PLCL2: variants seen among roughly 807,000 people sequenced by gnomAD.
PLCL2 encodes inactive phospholipase C-like protein 2.
PLCL2 carries 4 observed loss-of-function variants against 79.6 expected under a neutral mutation model. The ratio of observed to expected loss-of-function variants is 0.05; its 90% confidence interval spans 0.02 to 0.11. The LOEUF is 0.11. PLCL2 is among the 10% of genes least tolerant of loss of function. The probability of loss-of-function intolerance (pLI) is 1.00; values close to 1 mark genes in which losing one functional copy is unlikely to be tolerated. For missense variants in PLCL2, 895 were observed against 1,291.0 expected (o/e 0.69, Z 4.70); for synonymous variants, 484 against 457.7 (o/e 1.06, Z -0.73).
chr3:16,962,360 C>T (rs1429251692), intron 1 of PLCL2, among the ~76,000 whole-genome samples: 1 of 151,790 alleles, frequency 6.6e-6, no homozygotes, highest in East Asian at 1.9e-4. Flanking sequence ...TAGCCTGCCC[C>T]ACGACCCATC....
At chr3:17,053,818 C>T (rs1187868919) in intron 4 of PLCL2, among the ~76,000 whole-genome samples, 1 of 152,206 alleles carries the variant, frequency 6.6e-6, no homozygotes, top group Non-Finnish European at 1.5e-5. Context: ...TCCATGAAAC[C>T]ATTCTTCCTG....
chr3:16,953,065 T>C (rs748550182), intron 1 of PLCL2, among the ~76,000 whole-genome samples: 6 of 152,108 alleles, frequency 3.9e-5, no homozygotes, highest in Non-Finnish European at 8.8e-5. Flanking sequence ...TTGCATTATA[T>C]ATAAAAAAGG....
chr3:16,952,124 A>T (rs1414462632), intron 1 of PLCL2, among the ~76,000 whole-genome samples: 1 of 151,926 alleles, frequency 6.6e-6, no homozygotes, highest in Non-Finnish European at 1.5e-5. Context: ...GTGGGAGTTG[A>T]ACAATGAGAA....
At chr3:16,897,185 C>T (rs778571940) in intron 1 of PLCL2, among the ~76,000 whole-genome samples, 2 of 151,472 alleles carry the variant, frequency 1.3e-5, no homozygotes, top group African/African-American at 2.4e-5. Context: ...TATAAAATGT[C>T]AATGAAGGGG....
intron 3 of PLCL2, among the ~76,000 whole-genome samples, chr3:17,039,742 C>T (rs1559528406): frequency 6.6e-6 from 1 of 152,184 alleles, no homozygotes; most frequent in Non-Finnish European, 1.5e-5. Flanking sequence ...ATACAGTCTG[C>T]AAATGCCTCC....
intron 1 of PLCL2, among the ~76,000 whole-genome samples, chr3:16,894,842 T>C (rs1696437964): frequency 6.6e-6 from 1 of 152,144 alleles, no homozygotes; most frequent in Admixed American, 6.5e-5. Flanking sequence ...TTAATTTACA[T>C]TTTCTGAATA....
chr3:16,995,756 T>A (rs897464616), intron 1 of PLCL2, among the ~76,000 whole-genome samples: 8 of 152,250 alleles, frequency 5.3e-5, no homozygotes, highest in Non-Finnish European at 1.0e-4. Context: ...GACAACTCTA[T>A]GTGTAATGTG....
At chr3:16,956,490 C>T (rs965402317) in intron 1 of PLCL2, among the ~76,000 whole-genome samples, 2 of 152,054 alleles carry the variant, frequency 1.3e-5, no homozygotes, top group African/African-American at 4.8e-5. Context: ...CTAAAATTCT[C>T]TTTTTTTGTT....
At chr3:17,015,490 T>C (rs2064373828) in intron 3 of PLCL2, among the ~76,000 whole-genome samples, 1 of 152,224 alleles carries the variant, frequency 6.6e-6, no homozygotes, top group African/African-American at 2.4e-5. Context: ...ATTTTCTTAA[T>C]CACATCCTGC....
chr3:16,974,518 C>T (rs2063904558), intron 1 of PLCL2, among the ~76,000 whole-genome samples: 1 of 152,156 alleles, frequency 6.6e-6, no homozygotes, highest in Non-Finnish European at 1.5e-5. Context: ...CCACCAAAGA[C>T]CAGCTATGTC....
intron 4 of PLCL2, among the ~76,000 whole-genome samples, chr3:17,054,325 T>C (rs545029378): frequency 6.6e-6 from 1 of 152,180 alleles, no homozygotes; most frequent in Non-Finnish European, 1.5e-5. Flanking sequence ...ATTGTCCATG[T>C]CACTATCAGT....
intron 2 of PLCL2, among the ~76,000 whole-genome samples, chr3:17,013,649 G>T (rs1193737022): frequency 3.3e-5 from 5 of 152,226 alleles, no homozygotes; most frequent in African/African-American, 4.8e-5. Context: ...AAACTAAAGT[G>T]TTCATTCCCA....
chr3:17,031,218 G>A (rs747141334), intron 3 of PLCL2, among the ~76,000 whole-genome samples: 35 of 152,104 alleles, frequency 2.3e-4, no homozygotes, highest in Non-Finnish European at 2.2e-4. Flanking sequence ...AGGATGTAGC[G>A]TCTGAACTCA....
At chr3:16,961,287 T>G (rs1298538055) in intron 1 of PLCL2, among the ~76,000 whole-genome samples, 3 of 152,200 alleles carry the variant, frequency 2.0e-5, no homozygotes, top group Non-Finnish European at 4.4e-5. Context: ...TTCCATATAT[T>G]CTATTCACTC....
At chr3:16,965,645 A>G (rs1360186577) in intron 1 of PLCL2, among the ~76,000 whole-genome samples, 3 of 152,058 alleles carry the variant, frequency 2.0e-5, no homozygotes, top group Non-Finnish European at 4.4e-5. Flanking sequence ...GATTCTTCCT[A>G]TCCATGAGCA....
At chr3:17,080,541 C>T (rs1210215021) in intron 5 of PLCL2, among the ~76,000 whole-genome samples, 2 of 152,150 alleles carry the variant, frequency 1.3e-5, no homozygotes, top group Middle Eastern at 3.2e-3. Flanking sequence ...ACCTCCACCT[C>T]CCGGGTTCAA....
chr3:17,010,826 A>G lies in PLCL2; in HGVS notation c.1480A>G (p.Ile494Val). 1 of 1,614,180 alleles carries G rather than the reference A, an allele frequency of 6.2e-7. No individual in the cohort carries two copies. Among genetic ancestry groups the G allele is most frequent in the Non-Finnish European group, 8.5e-7 (1 of 1,180,034 alleles). ...IYTGHTMTSQ[I>V]VFRSVIDIIN... Reference sequence around the variant, plus strand: ...CACAGGCCACACCATGACCTCTCAGATAGTTTTCCGCAGTGTCATTGATAT... The same window carrying G: ...CACAGGCCACACCATGACCTCTCAGGTAGTTTTCCGCAGTGTCATTGATAT... The change falls in exon 2 of 6, where the codon ATA (isoleucine) becomes GTA (valine). Residue 494 changes from isoleucine to valine, a missense_variant. Transcript: ENST00000615277. This position sits in a 1 kb window ranked among gnomAD's most constrained non-coding sequence, Gnocchi z 5.8.
At chr3:16,977,367 TCAGACCA>T (rs1437841505) in intron 1 of PLCL2, among the ~76,000 whole-genome samples, 1 of 152,184 alleles carries the variant, frequency 6.6e-6, no homozygotes, top group African/African-American at 2.4e-5. Context: ...CAGCCTGAAC[TCAGACCA>T]CACCACACTA....
intron 1 of PLCL2, among the ~76,000 whole-genome samples, chr3:17,008,352 T>C (rs2064283882): frequency 6.6e-6 from 1 of 150,996 alleles, no homozygotes; most frequent in Non-Finnish European, 1.5e-5. Context: ...CTGCTGGAAT[T>C]CCCATTTAAC....
Sources: gnomAD v4.1 joint callset for allele counts (sites outside exome capture counted in the v4.1 genomes callset) on GRCh38, gnomAD v4.1.1 for gene constraint, Gnocchi (gnomAD v3.1) non-coding constraint, MANE v1.5 for transcripts, NCBI Gene and HGNC (gene_info 2026-07-23, HGNC 2026-07-21) for gene names.